Variants in HECW2 observed in about 807,000 individuals in gnomAD.
HECW2 encodes the protein E3 ubiquitin-protein ligase HECW2.
A neutral mutation model predicts 175.2 loss-of-function variants in HECW2; 61 were observed. The observed-to-expected ratio is 0.35, with a 90% CI of 0.28 to 0.43. The LOEUF is 0.43. Ranked by LOEUF, HECW2 falls within the 20% of genes least tolerant of loss-of-function variation. The probability of loss-of-function intolerance (pLI) is 1.00; values close to 1 mark genes in which losing one functional copy is unlikely to be tolerated. For missense variants in HECW2, 1,524 were observed against 2,000.5 expected, an observed-to-expected ratio of 0.76 and a Z score of 4.54; for synonymous variants, 671 against 731.0, an observed-to-expected ratio of 0.92 and a Z score of 1.32.
chr2:196,334,306 C>T (rs1692471374), intron 4 of HECW2, 118 bp downstream of exon 4: 1 of 724,764 alleles, frequency 1.4e-6, no homozygotes, highest in Admixed American at 2.6e-5. Flanking sequence ...AGTGCCCACA[C>T]TGTTATGTGT....
At chr2:196,535,746 A>G (rs1305011698) in intron 1 of HECW2, among the ~76,000 whole-genome samples, 1 of 152,198 alleles carries the variant, frequency 6.6e-6, no homozygotes. Context: ...ACTAGCAAAA[A>G]CAGAGAAAGC....
intron 2 of HECW2, among the ~76,000 whole-genome samples, chr2:196,397,569 G>A (rs1224486553): frequency 6.6e-6 from 1 of 152,156 alleles, no homozygotes; most frequent in African/African-American, 2.4e-5. Context: ...TTCTATTTAT[G>A]CTTAACAGCT....
At chr2:196,469,095 C>T (rs1377101298) in intron 1 of HECW2, among the ~76,000 whole-genome samples, 3 of 141,568 alleles carry the variant, frequency 2.1e-5, no homozygotes, top group Non-Finnish European at 4.6e-5. Context: ...TCGCAGGTCA[C>T]TGAACCTGTG....
intron 19 of HECW2, among the ~76,000 whole-genome samples, chr2:196,246,428 C>G (rs1425155944): frequency 6.6e-6 from 1 of 152,150 alleles, no homozygotes; most frequent in Non-Finnish European, 1.5e-5. Context: ...CTCTGTCGCC[C>G]AGGCTGGAGT....
intron 2 of HECW2, among the ~76,000 whole-genome samples, chr2:196,384,604 T>TAAGGTGGCAAATAAAATA (rs1694298518): frequency 6.6e-6 from 1 of 152,072 alleles, no homozygotes. Context: ...GTTTTAATCA[T>TAAGGTGGCAAATAAAATA]AAGGTGGCAA....
At chr2:196,436,445 G>A (rs1458849860) in intron 1 of HECW2, among the ~76,000 whole-genome samples, 2 of 149,304 alleles carry the variant, frequency 1.3e-5, no homozygotes, top group African/African-American at 4.9e-5. Flanking sequence ...TTCATCACCA[G>A]TAGTGGGTTC....
intron 5 of HECW2, among the ~76,000 whole-genome samples, chr2:196,328,449 G>A (rs1408749236): frequency 6.6e-6 from 1 of 152,128 alleles, no homozygotes; most frequent in Admixed American, 6.5e-5. Context: ...AGCTCATATG[G>A]GAAAAGGAGA....
intron 1 of HECW2, among the ~76,000 whole-genome samples, chr2:196,468,417 T>C (rs1164242476): frequency 6.6e-6 from 1 of 152,182 alleles, no homozygotes; most frequent in South Asian, 2.1e-4. Flanking sequence ...CCCCTACGCT[T>C]CAGTTACTTT....
At chr2:196,502,500 T>C (rs1687611183) in intron 1 of HECW2, among the ~76,000 whole-genome samples, 1 of 152,248 alleles carries the variant, frequency 6.6e-6, no homozygotes, top group African/African-American at 2.4e-5. Context: ...AACAGCTGGC[T>C]TTCGTTTGTT....
chr2:196,527,145 G>C (rs1401704374), intron 1 of HECW2, among the ~76,000 whole-genome samples: 1 of 152,226 alleles, frequency 6.6e-6, no homozygotes, highest in Non-Finnish European at 1.5e-5. Context: ...GTGAGCCTAG[G>C]ACCCTCCCAG....
chr2:196,478,666 G>A (rs138565327), intron 1 of HECW2, among the ~76,000 whole-genome samples: 515 of 151,968 alleles, frequency 3.4e-3, no homozygotes, highest in Middle Eastern at 0.02. Flanking sequence ...AGAGTCAGAG[G>A]AGACCCCCAA....
intron 2 of HECW2, among the ~76,000 whole-genome samples, chr2:196,396,906 T>C (rs538179704): frequency 3.3e-5 from 5 of 151,758 alleles, no homozygotes; most frequent in Admixed American, 1.3e-4. Context: ...GGTCAGGAGA[T>C]TGAGACCATC....
At chr2:196,577,204 C>G (rs1249662720) in intron 1 of HECW2, among the ~76,000 whole-genome samples, 2 of 152,082 alleles carry the variant, frequency 1.3e-5, no homozygotes, top group African/African-American at 4.8e-5. Context: ...GTTGCATTCA[C>G]AGAATGTTGC....
chr2:196,556,311 G>T (rs1689791790), intron 1 of HECW2, among the ~76,000 whole-genome samples: 1 of 152,106 alleles, frequency 6.6e-6, no homozygotes, highest in African/African-American at 2.4e-5. Flanking sequence ...GCGAGAATAT[G>T]TAAGATCTAT....
chr2:196,275,493 C>A (rs1218567182), intron 15 of HECW2, among the ~76,000 whole-genome samples: 1 of 152,164 alleles, frequency 6.6e-6, no homozygotes, highest in Non-Finnish European at 1.5e-5. Context: ...GTGGCTCACA[C>A]CTATAATCCC....
At chr2:196,300,120 A>T (rs1470538956) in intron 13 of HECW2, among the ~76,000 whole-genome samples, 1 of 152,148 alleles carries the variant, frequency 6.6e-6, no homozygotes, top group Non-Finnish European at 1.5e-5. Context: ...ACACTACAGA[A>T]ATCAGGAAAT....
chr2:196,212,784 A>G (rs904390768), intron 28 of HECW2, among the ~76,000 whole-genome samples: 1 of 152,212 alleles, frequency 6.6e-6, no homozygotes, highest in African/African-American at 2.4e-5. Flanking sequence ...GTCTTCCACA[A>G]TGGTTGAACT....
intron 1 of HECW2, among the ~76,000 whole-genome samples, chr2:196,545,523 T>A (rs993259730): frequency 6.6e-6 from 1 of 151,930 alleles, no homozygotes; most frequent in African/African-American, 2.4e-5. Context: ...CTAAGGAGAG[T>A]TTGTAATATG....
At chr2:196,563,535 C>G (rs916276896) in intron 1 of HECW2, among the ~76,000 whole-genome samples, 43 of 151,742 alleles carry the variant, frequency 2.8e-4, no homozygotes, top group African/African-American at 1.0e-3. Context: ...CACCACTGCA[C>G]TCAAACTTGG....
Sources: gnomAD v4.1 joint callset for allele counts (sites outside exome capture counted in the v4.1 genomes callset) on GRCh38, gnomAD v4.1.1 for gene constraint, MANE v1.5 for transcripts, NCBI Gene and HGNC (gene_info 2026-07-23, HGNC 2026-07-21) for gene names.